The following PARD3 variants were observed in gnomAD, a reference collection of about 807,000 sequenced individuals.
PARD3 encodes par-3 family cell polarity regulator.
A neutral mutation model predicts 155.4 loss-of-function variants in PARD3; 75 were observed. The ratio of observed to expected loss-of-function variants is 0.48; its 90% CI spans 0.40 to 0.58. The LOEUF (loss-of-function observed/expected upper bound fraction) is 0.58. Among genes scored for constraint, PARD3 ranks in the 20% least tolerant of loss-of-function variants. PARD3 has a pLI of 0.00. For synonymous variants in PARD3, 576 were observed against 610.5 expected (o/e 0.94, Z 0.83); for missense variants, 1,642 against 1,721.7 (o/e 0.95, Z 0.82).
At chr10:34,441,472 C>T (rs1020676468) in intron 5 of PARD3, among the ~76,000 whole-genome samples, 1 of 152,166 alleles carries the variant, frequency 6.6e-6, no homozygotes, top group Non-Finnish European at 1.5e-5. Context: ...GGGTCAGAAA[C>T]AGGACACACT....
chr10:34,521,034 T>C (rs1269587628), intron 2 of PARD3, among the ~76,000 whole-genome samples: 1 of 152,196 alleles, frequency 6.6e-6, no homozygotes, highest in Non-Finnish European at 1.5e-5. Flanking sequence ...TGTTATTAAC[T>C]TTTCACAATG....
chr10:34,448,152 T>TGTGTGTG (rs902427311), intron 5 of PARD3, among the ~76,000 whole-genome samples: 4 of 151,614 alleles, frequency 2.6e-5, no homozygotes, highest in African/African-American at 9.8e-5. Flanking sequence ...TGTGTGTGTG[T>TGTGTGTG]GTGTGTGTGT....
chr10:34,784,903 T>C (rs1840750058), intron 1 of PARD3, among the ~76,000 whole-genome samples: 1 of 152,004 alleles, frequency 6.6e-6, no homozygotes, highest in Admixed American at 6.5e-5. Context: ...GTCATTTTTC[T>C]AGCATTCATT....
intron 22 of PARD3, among the ~76,000 whole-genome samples, chr10:34,167,526 G>T (rs993385916): frequency 4.7e-4 from 71 of 150,528 alleles, no homozygotes; most frequent in African/African-American, 1.6e-3. Context: ...ACACCCCAAA[G>T]CCCCCAAAAC....
rs549923793 is a variant in PARD3 at position 34,186,221 on chromosome 10, G to A, written c.3420-54638C>T. 1.6e-4 allele frequency among the ~76,000 whole-genome samples: 25 copies of A among 152,158 alleles called. No individual in the cohort carries two copies. The South Asian group carries it at 4.6e-3, about 28-fold the overall frequency. On this transcript the variant is annotated intron_variant, in intron 22 of 24. Transcript: ENST00000374788. ...TCAAAACCCAGCCCTAAAGCCGGAC[G>A]GGGTAGCTCACGCCTGTAATCCCAG...
At position 34,341,638 on chromosome 10, in the gene PARD3, A is replaced by G; in HGVS notation, c.2397T>C (p.Asp799=). ...GACGATGAGCTTACCAGTCGGCTGA[A>G]TCACTGATTGCAGCCTTGGCCCAAG... ...AGTWAKAAIS[D]SADCSLSPDV... The change falls in exon 16 of 25, where the codon GAT becomes GAC. Residue 799 remains aspartate, a synonymous_variant. Transcript: ENST00000374788. 6.2e-7 allele frequency: 1 copy of G among 1,611,998 alleles called. No individual in the cohort carries two copies. The highest frequency in any genetic ancestry group is 8.5e-7 in the Non-Finnish European group (1 of 1,179,212).
intron 7 of PARD3, among the ~76,000 whole-genome samples, chr10:34,398,245 A>G (rs1843533301): frequency 6.6e-6 from 1 of 152,202 alleles, no homozygotes; most frequent in South Asian, 2.1e-4. Context: ...AGTTACTTAC[A>G]AGTAACAAGA....
At chr10:34,124,053 G>C (rs1417157840) in intron 23 of PARD3, among the ~76,000 whole-genome samples, 1 of 152,160 alleles carries the variant, frequency 6.6e-6, no homozygotes, top group Non-Finnish European at 1.5e-5. Flanking sequence ...AAAATAGTGT[G>C]TAAGTATGTG....
intron 2 of PARD3, among the ~76,000 whole-genome samples, chr10:34,600,554 G>C (rs535656285): frequency 9.2e-5 from 14 of 152,120 alleles, no homozygotes; most frequent in Non-Finnish European, 1.9e-4. Flanking sequence ...GACATGTTCA[G>C]AGCAGGACCT....
chr10:34,118,855 C>T (rs958307202), intron 24 of PARD3, among the ~76,000 whole-genome samples: 1 of 152,186 alleles, frequency 6.6e-6, no homozygotes. Flanking sequence ...ATTGTGACTA[C>T]AGGAGTCACC....
rs112067302 is a variant in PARD3 at position 34,460,856 on chromosome 10, A to C, written c.582+9229T>G. ...CAAAAAAATAAAAATAAAAATAAAA[A>C]TAAAATGGGTACAGCAACAGTACCT... is the stretch of plus-strand genomic sequence containing the variant. On this transcript the variant is annotated intron_variant, in intron 4 of 24. Transcript: ENST00000374788. Among the ~76,000 whole-genome samples the C allele has an allele frequency of 6.3e-3, 953 of 152,200 alleles. 10 individuals are homozygous for C. Among genetic ancestry groups the C allele is most frequent in the African/African-American group, 0.022 (903 of 41,528 alleles).
intron 2 of PARD3, among the ~76,000 whole-genome samples, chr10:34,663,340 C>A (rs769348419): frequency 6.6e-6 from 1 of 152,026 alleles, no homozygotes; most frequent in Non-Finnish European, 1.5e-5. Flanking sequence ...GTAGTGCATG[C>A]CTGTAATCTT....
intron 2 of PARD3, among the ~76,000 whole-genome samples, chr10:34,524,879 T>C (rs2082372345): frequency 6.6e-6 from 1 of 152,208 alleles, no homozygotes; most frequent in Non-Finnish European, 1.5e-5. Flanking sequence ...ATGGTAAGAC[T>C]GGCAAATGGG....
chr10:34,635,853 A>G (rs1189066260), intron 2 of PARD3, among the ~76,000 whole-genome samples: 1 of 152,118 alleles, frequency 6.6e-6, no homozygotes, highest in African/African-American at 2.4e-5. Context: ...AAAGTCTGGG[A>G]AGGTTCTGGA....
intron 3 of PARD3, among the ~76,000 whole-genome samples, chr10:34,510,682 T>G (rs2081352523): frequency 6.6e-6 from 1 of 151,592 alleles, no homozygotes; most frequent in African/African-American, 2.4e-5. Flanking sequence ...CTTGAGTGTG[T>G]GTTTCCTTTA....
At chr10:34,409,998 G>A (rs1844887155) in intron 5 of PARD3, among the ~76,000 whole-genome samples, 1 of 152,038 alleles carries the variant, frequency 6.6e-6, no homozygotes, top group African/African-American at 2.4e-5. Flanking sequence ...TATAAACTGT[G>A]GGAAATAATA....
At chr10:34,344,593 G>A (rs1017991494) in intron 15 of PARD3, 16 of 985,130 alleles carry the variant, frequency 1.6e-5, no homozygotes, top group Non-Finnish European at 1.8e-5. Flanking sequence ...CATTGTTGCT[G>A]TTTTTTATTG....
At chr10:34,450,670 G>A (rs2077008071) in intron 4 of PARD3, among the ~76,000 whole-genome samples, 1 of 152,048 alleles carries the variant, frequency 6.6e-6, no homozygotes, top group South Asian at 2.1e-4. Context: ...AGCAGGAAGG[G>A]TGGCACACAC....
intron 4 of PARD3, among the ~76,000 whole-genome samples, chr10:34,454,511 A>C (rs1341048125): frequency 6.6e-6 from 1 of 152,132 alleles, no homozygotes; most frequent in African/African-American, 2.4e-5. Context: ...AATTATAACT[A>C]TAAATCAAAA....
Sources: allele counts gnomAD v4.1 joint callset (sites outside exome capture counted in the v4.1 genomes callset), GRCh38; gene constraint gnomAD v4.1.1; transcripts MANE v1.5; gene names NCBI Gene and HGNC (gene_info 2026-07-23, HGNC 2026-07-21).